SH3KBP1: variants seen among roughly 807,000 people sequenced by gnomAD.
SH3KBP1 encodes the protein SH3 domain-containing kinase-binding protein 1.
A neutral mutation model predicts 50.1 loss-of-function variants in SH3KBP1; 8 were observed. The ratio of observed to expected loss-of-function variants is 0.16; its 90% CI spans 0.09 to 0.29. The LOEUF is 0.29. Ranked by LOEUF, SH3KBP1 falls within the 10% of genes least tolerant of loss-of-function variation. SH3KBP1 has a pLI of 1.00. For synonymous variants in SH3KBP1, 227 were observed against 218.6 expected, an observed-to-expected ratio of 1.04 and a Z score of -0.34; for missense variants, 377 against 535.2, an observed-to-expected ratio of 0.70 and a Z score of 2.92.
chrX:19,833,469 T>C (rs1215828153), intron 2 of SH3KBP1, among the ~76,000 whole-genome samples: 37 of 82,293 alleles, frequency 4.5e-4, no homozygotes, highest in African/African-American at 8.7e-4. Context: ...CTTCCCAGGG[T>C]CCTCCTCCCT....
chrX:19,747,010 C>T lies in SH3KBP1; in HGVS notation c.163-569G>A, dbSNP rs116594689. On this transcript the variant is annotated intron_variant, in intron 2 of 17. Coordinates refer to ENST00000397821, the MANE Select transcript of SH3KBP1 (RefSeq NM_031892.3). ...TCAGGGGTCAGCAAATGAAAGCTCA[C>T]CACTCACTTTTGTAAAGAAAGTCTC... is the stretch of plus-strand genomic sequence containing the variant. Among the ~76,000 whole-genome samples the T allele has an allele frequency of 6.1e-3, 683 of 112,309 alleles. 8 individuals carry two copies. Among genetic ancestry groups the T allele is most frequent in the African/African-American group, 0.02 (610 of 30,938 alleles).
intron 11 of SH3KBP1, among the ~76,000 whole-genome samples, chrX:19,591,466 C>T (rs1187941274): frequency 9.0e-6 from 1 of 111,024 alleles, no homozygotes; most frequent in Non-Finnish European, 1.9e-5. Flanking sequence ...TACTTTCCTG[C>T]CAATGACACT....
chrX:19,554,290 ATAT>A (rs1226393051), intron 13 of SH3KBP1, among the ~76,000 whole-genome samples: 1 of 88,519 alleles, frequency 1.1e-5, no homozygotes. Flanking sequence ...ATATTAAAAT[ATAT>A]TATATATCAT....
chrX:19,657,331 G>A (rs900034966), intron 6 of SH3KBP1, among the ~76,000 whole-genome samples: 28 of 105,012 alleles, frequency 2.7e-4, no homozygotes, highest in African/African-American at 7.7e-4. Flanking sequence ...AGTGAGCCCC[G>A]ATCGTGCCAC....
intron 2 of SH3KBP1, among the ~76,000 whole-genome samples, chrX:19,800,205 G>A (rs1366913482): frequency 2.7e-5 from 3 of 111,961 alleles, no homozygotes; most frequent in South Asian, 3.7e-4. Flanking sequence ...GACAAACCTC[G>A]CCCTGAAATG....
intron 6 of SH3KBP1, among the ~76,000 whole-genome samples, chrX:19,668,935 AATATATATATATATATATAT>A (rs56844238): frequency 4.9e-4 from 16 of 32,873 alleles, no homozygotes; most frequent in Non-Finnish European, 5.6e-4. Flanking sequence ...GATTGAGGGT[AATATATATATATATATATAT>A]ATATATATAT....
At chrX:19,687,335 C>G (rs1168688153) in intron 5 of SH3KBP1, among the ~76,000 whole-genome samples, 1 of 112,677 alleles carries the variant, frequency 8.9e-6, no homozygotes, top group Non-Finnish European at 1.9e-5. Flanking sequence ...ACGACAAATG[C>G]TACTGCTCCT....
At position 19,534,240 on chromosome X, in the gene SH3KBP1, T is replaced by C. The variant is rs2064656949; in HGVS notation, c.*2177A>G. ...CCAGTTCCTTGATGCAGAATCCTCTTGCTGGGTAGCCCGAGGGGCCGCAAT... is the reference window on the plus strand; with the variant it reads ...CCAGTTCCTTGATGCAGAATCCTCTCGCTGGGTAGCCCGAGGGGCCGCAAT... On this transcript the variant is annotated 3_prime_UTR_variant, in exon 18 of 18. Transcript: ENST00000397821. 1 of 109,806 alleles carries C rather than the reference T, an allele frequency of 9.1e-6. No homozygotes were observed. Among genetic ancestry groups the C allele is most frequent in the Non-Finnish European group, 1.9e-5 (1 of 52,608 alleles). The allele number at this position is 109,806 out of a possible 1,213,427, so 9.0% of individuals were successfully genotyped here. A position where few individuals can be genotyped will look rare whatever the true frequency, so the allele number is the denominator to read the frequency against.
At chrX:19,777,383 G>A (rs2066011325) in intron 2 of SH3KBP1, among the ~76,000 whole-genome samples, 1 of 110,836 alleles carries the variant, frequency 9.0e-6, no homozygotes, top group Admixed American at 9.5e-5. Flanking sequence ...ATAATGTTCA[G>A]TACAGCCTTG....
At chrX:19,654,273 T>C (rs1368780421) in intron 6 of SH3KBP1, among the ~76,000 whole-genome samples, 5 of 111,554 alleles carry the variant, frequency 4.5e-5, no homozygotes, top group African/African-American at 1.3e-4. Flanking sequence ...GAAAGAAGCA[T>C]ATGACAGTAA....
At chrX:19,625,442 T>C (rs914639415) in intron 8 of SH3KBP1, among the ~76,000 whole-genome samples, 31 of 109,948 alleles carry the variant, frequency 2.8e-4, no homozygotes, top group African/African-American at 1.0e-3. Flanking sequence ...AAGAAAGCAG[T>C]TGGGGAGGCA....
At chrX:19,780,653 T>C (rs962002331) in intron 2 of SH3KBP1, among the ~76,000 whole-genome samples, 3 of 107,325 alleles carry the variant, frequency 2.8e-5, no homozygotes, top group African/African-American at 1.0e-4. Flanking sequence ...GTTTCAGCTT[T>C]CCACATATGG....
chrX:19,588,881 T>TAAA, intron 11 of SH3KBP1, 79 bp from the exon 12 acceptor site: 13 of 642,996 alleles, frequency 2.0e-5, no homozygotes, highest in South Asian at 5.3e-5. Context: ...CATTTCCTGC[T>TAAA]AAAAAAAAAA....
At chrX:19,673,857 C>T (rs2062861833) in intron 6 of SH3KBP1, among the ~76,000 whole-genome samples, 1 of 111,513 alleles carries the variant, frequency 9.0e-6, no homozygotes, top group African/African-American at 3.3e-5. Flanking sequence ...ACCACAGCCC[C>T]TGCACCCCAG....
chrX:19,737,914 C>T (rs1168916051), intron 3 of SH3KBP1, among the ~76,000 whole-genome samples: 5 of 103,169 alleles, frequency 4.8e-5, no homozygotes, highest in Non-Finnish European at 9.9e-5. Context: ...CTAGCATCAT[C>T]TAACTCATGT....
chrX:19,632,389 T>C (rs1335972443), intron 7 of SH3KBP1, among the ~76,000 whole-genome samples: 2 of 112,756 alleles, frequency 1.8e-5, no homozygotes, highest in Admixed American at 9.4e-5. Context: ...AAGGTATTTA[T>C]ACATGTTACA....
chrX:19,846,125 G>A, intron 1 of SH3KBP1, among the ~76,000 whole-genome samples: 1 of 111,061 alleles, frequency 9.0e-6, no homozygotes, highest in African/African-American at 3.3e-5. Context: ...GCAGTGGCAC[G>A]ATCTAGGCTC....
chrX:19,694,417 C>T (rs975333482), intron 5 of SH3KBP1, among the ~76,000 whole-genome samples: 5 of 110,958 alleles, frequency 4.5e-5, no homozygotes, highest in African/African-American at 1.6e-4. Flanking sequence ...ATAGAGAATC[C>T]CCCTGCCCTG....
At chrX:19,707,190 G>T (rs1314908580) in intron 3 of SH3KBP1, 3 of 518,443 alleles carry the variant, frequency 5.8e-6, no homozygotes, top group Non-Finnish European at 1.0e-5. Flanking sequence ...AAAGCTGCTG[G>T]GTCAGAAAGG....
Sources: allele counts gnomAD v4.1 joint callset (sites outside exome capture counted in the v4.1 genomes callset), GRCh38; gene constraint gnomAD v4.1.1; transcripts MANE v1.5; gene names NCBI Gene and HGNC (gene_info 2026-07-23, HGNC 2026-07-21).